Variants in PCDH7 observed in about 807,000 individuals in gnomAD.
The protein encoded by PCDH7 is protocadherin 7.
PCDH7 carries 17 observed loss-of-function variants against 58.9 expected under a neutral mutation model. The ratio of observed to expected loss-of-function variants is 0.29; its 90% CI spans 0.20 to 0.43. The LOEUF (loss-of-function observed/expected upper bound fraction) is 0.43, where lower values mean the gene tolerates loss of function less well. Ranked by LOEUF, PCDH7 falls within the 20% of genes least tolerant of loss-of-function variation. The pLI is 1.00. For missense variants in PCDH7, 1,274 were observed against 1,441.0 expected (o/e 0.88, Z 1.88); for synonymous variants, 664 against 616.4 (o/e 1.08, Z -1.14).
intron 1 of PCDH7, among the ~76,000 whole-genome samples, chr4:30,746,071 C>T (rs1577634644): frequency 6.6e-6 from 1 of 152,070 alleles, no homozygotes; most frequent in African/African-American, 2.4e-5. Context: ...TCAAGTGATC[C>T]GCCTGCCTCA....
At position 31,102,256 on chromosome 4, in the gene PCDH7, GTATC is replaced by G. The variant is rs547061026; in HGVS notation, c.*8-40210_*8-40207del. Among the ~76,000 whole-genome samples the G allele has an allele frequency of 8.1e-3, 1,231 of 151,470 alleles. 14 individuals are homozygous for G. Among genetic ancestry groups the G allele is most frequent in the African/African-American group, 0.029 (1,187 of 41,208 alleles). The stretch of plus-strand genomic sequence containing the variant: ...AAATCCAAAGTAATAATGTCACCTG[GTATC>G]TATCTAAACCAAGTCAAGTACAAAA... On this transcript the variant is annotated intron_variant, in intron 3 of 3. Transcript: ENST00000509759.
chr4:30,923,412 C>T (rs1743438480), intron 2 of PCDH7, among the ~76,000 whole-genome samples: 1 of 152,120 alleles, frequency 6.6e-6, no homozygotes, highest in African/African-American at 2.4e-5. Context: ...TATCTTCCTT[C>T]TGTACTGTAG....
chr4:30,973,312 CAG>C (rs1037611214), intron 3 of PCDH7, among the ~76,000 whole-genome samples: 6 of 152,236 alleles, frequency 3.9e-5, no homozygotes, highest in African/African-American at 1.4e-4. Context: ...TTAGGGAAGA[CAG>C]GGGATATTGG....
At chr4:31,110,786 G>A (rs1401322192) in intron 3 of PCDH7, among the ~76,000 whole-genome samples, 1 of 151,954 alleles carries the variant, frequency 6.6e-6, no homozygotes, top group African/African-American at 2.4e-5. Flanking sequence ...ATGGTGGCAG[G>A]CACCTGTAGT....
chr4:31,035,951 T>C (rs921515607), intron 3 of PCDH7, among the ~76,000 whole-genome samples: 3 of 152,200 alleles, frequency 2.0e-5, no homozygotes, highest in Non-Finnish European at 1.5e-5. Context: ...GACCTGTAAG[T>C]GGACTTTCAC....
chr4:30,944,979 G>A (rs1393505677), intron 2 of PCDH7, among the ~76,000 whole-genome samples: 2 of 152,056 alleles, frequency 1.3e-5, no homozygotes, highest in East Asian at 3.8e-4. Flanking sequence ...TTTGCCGATA[G>A]TGTTTTACAA....
intron 1 of PCDH7, among the ~76,000 whole-genome samples, chr4:30,760,621 A>G (rs1190094817): frequency 1.3e-5 from 2 of 152,210 alleles, no homozygotes; most frequent in African/African-American, 4.8e-5. Context: ...TAAAATACCT[A>G]GGAATACAGC....
chr4:30,945,660 C>T (rs1259618604), intron 2 of PCDH7, among the ~76,000 whole-genome samples: 1 of 151,840 alleles, frequency 6.6e-6, no homozygotes, highest in Non-Finnish European at 1.5e-5. Flanking sequence ...GATAAGCTCA[C>T]CCAGGGTTTA....
intron 3 of PCDH7, among the ~76,000 whole-genome samples, chr4:31,137,400 T>C (rs1247232224): frequency 6.6e-6 from 1 of 152,102 alleles, no homozygotes; most frequent in Non-Finnish European, 1.5e-5. Flanking sequence ...CTGGCCAACA[T>C]GGCCAAACCT....
Position 30,721,503 on chromosome 4 carries a change from G to T in PCDH7, c.81G>T (p.Leu27=). Reference sequence around the variant, plus strand: ...TCCTCCTGCCGCTCTCGCTCAGCCTGGCGGCCGCCAAGCAGCTCCTCCGGT... The same window carrying T: ...TCCTCCTGCCGCTCTCGCTCAGCCTTGCGGCCGCCAAGCAGCTCCTCCGGT... The change falls in exon 1 of 2, where the codon CTG becomes CTT. Residue 27 remains leucine, a synonymous_variant. Transcript: ENST00000361762. The surrounding 1 kb of genome is among the most constrained non-coding windows in gnomAD (Gnocchi z 6.7). 6.3e-7 allele frequency: 1 copy of T among 1,598,676 alleles called. No individual in the cohort carries two copies. The highest frequency in any genetic ancestry group is 8.5e-7 in the Non-Finnish European group (1 of 1,178,154).
In PCDH7 at chr4:30,963,901, A is replaced by G. The variant is rs12647574; in HGVS notation, c.*7+13686A>G. Among the ~76,000 whole-genome samples the G allele has an allele frequency of 3.9e-5, 6 of 152,270 alleles. No homozygotes were observed. In the East Asian group the frequency reaches 7.7e-4, roughly 20 times the overall value. On this transcript the variant is annotated intron_variant, in intron 3 of 3. Transcript: ENST00000509759. Reference sequence around the variant, plus strand: ...CTATTGGCAGTCTCAGAGGGGCCATATTTTTACATGGATGAACCATTCCGG... The same window carrying G: ...CTATTGGCAGTCTCAGAGGGGCCATGTTTTTACATGGATGAACCATTCCGG...
chr4:31,114,453 A>G (rs989319140), intron 3 of PCDH7, among the ~76,000 whole-genome samples: 4 of 152,144 alleles, frequency 2.6e-5, no homozygotes, highest in African/African-American at 9.7e-5. Context: ...AATGATCACA[A>G]TTCAGATATT....
At chr4:30,823,330 T>C (rs1728602413) in intron 1 of PCDH7, among the ~76,000 whole-genome samples, 1 of 152,178 alleles carries the variant, frequency 6.6e-6, no homozygotes, top group Non-Finnish European at 1.5e-5. Flanking sequence ...GTAATGGTTC[T>C]ATTAGCTGTG....
intron 3 of PCDH7, among the ~76,000 whole-genome samples, chr4:30,958,972 G>C (rs957575498): frequency 9.2e-5 from 14 of 152,062 alleles, no homozygotes; most frequent in Non-Finnish European, 1.8e-4. Flanking sequence ...GGAGGAGCCA[G>C]CTTGTCTTTT....
intron 3 of PCDH7, among the ~76,000 whole-genome samples, chr4:31,001,236 T>G (rs1285201631): frequency 6.6e-6 from 1 of 152,084 alleles, no homozygotes; most frequent in Non-Finnish European, 1.5e-5. Flanking sequence ...TGTAGTATAA[T>G]TTGATTCCCA....
intron 1 of PCDH7, among the ~76,000 whole-genome samples, chr4:30,889,960 T>C (rs1578184367): frequency 6.6e-6 from 1 of 152,158 alleles, no homozygotes; most frequent in East Asian, 1.9e-4. Context: ...GACAAATACA[T>C]AATTAAGGAA....
chr4:30,978,039 C>T (rs1311099818), intron 3 of PCDH7, among the ~76,000 whole-genome samples: 5 of 152,084 alleles, frequency 3.3e-5, no homozygotes, highest in Admixed American at 3.3e-4. Flanking sequence ...GGCCATATTT[C>T]ATGAGTATCA....
intron 1 of PCDH7, among the ~76,000 whole-genome samples, chr4:30,805,504 G>C (rs1726083431): frequency 6.6e-6 from 1 of 152,150 alleles, no homozygotes; most frequent in Non-Finnish European, 1.5e-5. Context: ...AAATGTTCTT[G>C]AAACATATTA....
rs35031302 is a variant in PCDH7, at chr4:30,899,718, A to AT, written c.71-20425dup. Among the ~76,000 whole-genome samples, 40 of 149,518 alleles carry AT rather than the reference A, an allele frequency of 2.7e-4. 1 individual carries two copies. The highest frequency in any genetic ancestry group is 3.5e-3 in the Middle Eastern group (1 of 284). ...GGAACCACTTGACTATGACACTAAT[A>AT]TTTTTTTTTTCATCTTTTATCAATT... On this transcript the variant is annotated intron_variant, in intron 1 of 3. Transcript: ENST00000509759.
Sources: gnomAD v4.1 joint callset for allele counts (sites outside exome capture counted in the v4.1 genomes callset) on GRCh38, gnomAD v4.1.1 for gene constraint, Gnocchi (gnomAD v3.1) non-coding constraint, MANE v1.5 for transcripts, NCBI Gene and HGNC (gene_info 2026-07-23, HGNC 2026-07-21) for gene names.